Variants in CDKAL1 observed in about 807,000 individuals in gnomAD.
CDKAL1 encodes the protein CDKAL1 threonylcarbamoyladenosine tRNA methylthiotransferase.
In CDKAL1, 32 loss-of-function variants were observed where a neutral mutation model predicts 68.2. That is an observed-to-expected ratio of 0.47 (90% CI 0.35 to 0.63). The LOEUF is 0.63. CDKAL1 is among the 30% of genes least tolerant of loss of function. The pLI is 0.00. For synonymous variants in CDKAL1, 234 were observed against 244.3 expected, an observed-to-expected ratio of 0.96 and a Z score of 0.39; for missense variants, 606 against 696.7, an observed-to-expected ratio of 0.87 and a Z score of 1.47.
chr6:21,060,546 T>C (rs1771087791), intron 11 of CDKAL1, among the ~76,000 whole-genome samples: 1 of 152,246 alleles, frequency 6.6e-6, no homozygotes, highest in African/African-American at 2.4e-5. Context: ...ATTTTACCTT[T>C]ATTATTTTCT....
At chr6:20,933,470 T>A (rs963828952) in intron 9 of CDKAL1, among the ~76,000 whole-genome samples, 6 of 152,262 alleles carry the variant, frequency 3.9e-5, no homozygotes, top group African/African-American at 1.2e-4. Context: ...CCTCTGCAAC[T>A]GCAACTTTAG....
chr6:20,781,042 C>T (rs1289116230), intron 7 of CDKAL1, 103 bp from the exon 8 acceptor site: 1 of 1,142,744 alleles, frequency 8.8e-7, no homozygotes, highest in African/African-American at 1.5e-5. Context: ...TGTTGTTTCC[C>T]CTGCTCCCGA....
At chr6:20,941,605 C>G (rs1763976039) in intron 9 of CDKAL1, among the ~76,000 whole-genome samples, 1 of 151,972 alleles carries the variant, frequency 6.6e-6, no homozygotes, top group Non-Finnish European at 1.5e-5. Context: ...ATTGTGTTAC[C>G]CATAGTGCCA....
chr6:20,699,707 C>T (rs569588417), intron 5 of CDKAL1, among the ~76,000 whole-genome samples: 48 of 152,230 alleles, frequency 3.2e-4, no homozygotes, highest in African/African-American at 1.1e-3. Flanking sequence ...CTCGTCAAGC[C>T]GGAGCTCTCA....
At chr6:20,776,778 ATT>A (rs1452106055) in intron 7 of CDKAL1, among the ~76,000 whole-genome samples, 10 of 152,204 alleles carry the variant, frequency 6.6e-5, no homozygotes, top group Non-Finnish European at 1.3e-4. Context: ...AAAAGTGTTT[ATT>A]CATGAAAAAA....
chr6:21,116,501 G>T lies in CDKAL1; in HGVS notation c.1299+8038G>T, dbSNP rs376935777. Among the ~76,000 whole-genome samples the T allele has an allele frequency of 3.7e-4, 57 of 152,256 alleles. No homozygotes were observed. The East Asian group carries it at 6.9e-3, about 19-fold the overall frequency. On this transcript the variant is annotated intron_variant, in intron 13 of 15. Coordinates refer to ENST00000274695, the MANE Select transcript of CDKAL1 (RefSeq NM_017774.3). Reference sequence around the variant, plus strand: ...GCTAGTAAATTACAGAGCAGTATACGTGGAGATGGGAAAATGGCAGCAGGG... The same window carrying T: ...GCTAGTAAATTACAGAGCAGTATACTTGGAGATGGGAAAATGGCAGCAGGG...
At chr6:20,843,599 T>A (rs1006532205) in intron 8 of CDKAL1, among the ~76,000 whole-genome samples, 8 of 152,316 alleles carry the variant, frequency 5.3e-5, no homozygotes, top group East Asian at 1.9e-4. Context: ...CATAATATTT[T>A]AAAAATAATT....
chr6:20,952,051 C>T (rs1581901273), intron 9 of CDKAL1, among the ~76,000 whole-genome samples: 1 of 150,770 alleles, frequency 6.6e-6, no homozygotes, highest in East Asian at 2.0e-4. Flanking sequence ...CTCCGCCTCC[C>T]AGGTTCACAC....
chr6:21,007,779 G>A (rs567568374), intron 11 of CDKAL1, among the ~76,000 whole-genome samples: 1 of 152,178 alleles, frequency 6.6e-6, no homozygotes, highest in East Asian at 1.9e-4. Context: ...AATCCTCAAG[G>A]CCCAAAGATG....
chr6:20,983,208 A>G (rs865919773), intron 10 of CDKAL1, among the ~76,000 whole-genome samples: 24 of 152,214 alleles, frequency 1.6e-4, no homozygotes, highest in African/African-American at 5.3e-4. Context: ...CTTAAAATCC[A>G]TATTGATCAG....
intron 10 of CDKAL1, among the ~76,000 whole-genome samples, chr6:20,976,391 C>T (rs1213944643): frequency 1.3e-5 from 2 of 152,138 alleles, no homozygotes; most frequent in Admixed American, 6.5e-5. Context: ...AATTCTGTGA[C>T]TGAAATTAGA....
intron 8 of CDKAL1, among the ~76,000 whole-genome samples, chr6:20,827,886 CACTT>C (rs1239585354): frequency 6.6e-6 from 1 of 151,868 alleles, no homozygotes; most frequent in Non-Finnish European, 1.5e-5. Flanking sequence ...CTTGAACATT[CACTT>C]AGAGTATCAA....
At chr6:20,997,932 C>A (rs1210410689) in intron 10 of CDKAL1, among the ~76,000 whole-genome samples, 1 of 152,122 alleles carries the variant, frequency 6.6e-6, no homozygotes, top group African/African-American at 2.4e-5. Context: ...GGAGTGCTTA[C>A]TCTATTAGCA....
chr6:20,628,815 A>G (rs1415928643), intron 4 of CDKAL1, among the ~76,000 whole-genome samples: 1 of 152,222 alleles, frequency 6.6e-6, no homozygotes, highest in Non-Finnish European at 1.5e-5. Flanking sequence ...ACCAAAAAGA[A>G]GAAAAAATTA....
At chr6:21,125,077 G>C (rs1229292932) in intron 13 of CDKAL1, among the ~76,000 whole-genome samples, 2 of 152,004 alleles carry the variant, frequency 1.3e-5, no homozygotes, top group Admixed American at 6.6e-5. Context: ...ATATGATATT[G>C]TTTGGCTGTG....
chr6:20,721,933 A>G (rs758650601), intron 5 of CDKAL1, among the ~76,000 whole-genome samples: 1 of 151,756 alleles, frequency 6.6e-6, no homozygotes, highest in East Asian at 1.9e-4. Flanking sequence ...GGATTTCACT[A>G]TTTTGGCCAG....
intron 9 of CDKAL1, among the ~76,000 whole-genome samples, chr6:20,851,823 G>C (rs551955895): frequency 1.3e-5 from 2 of 151,544 alleles, no homozygotes; most frequent in Non-Finnish European, 2.9e-5. Context: ...AACTTTTTTA[G>C]ATAGGAAACA....
At chr6:21,186,601 A>T (rs559506632) in intron 13 of CDKAL1, among the ~76,000 whole-genome samples, 1 of 152,324 alleles carries the variant, frequency 6.6e-6, no homozygotes, top group Non-Finnish European at 1.5e-5. Flanking sequence ...TGCTGTGGTC[A>T]ACCAGAAAAA....
chr6:20,606,425 C>T lies in CDKAL1; in HGVS notation c.287-42868C>T, dbSNP rs3938395. Among the ~76,000 whole-genome samples the T allele has an allele frequency of 9.9e-3, 1,503 of 152,118 alleles. 26 individuals carry two copies. Among genetic ancestry groups the T allele is most frequent in the African/African-American group, 0.035 (1,432 of 41,482 alleles). On this transcript the variant is annotated intron_variant, in intron 4 of 15. Transcript: ENST00000274695. The stretch of plus-strand genomic sequence containing the variant: ...AGAGAAGAGAACAGTTAAGGTCGGC[C>T]GGATTGCTTCTGCAGGTTTGTGTCC...
Sources: allele counts gnomAD v4.1 joint callset (sites outside exome capture counted in the v4.1 genomes callset), GRCh38; gene constraint gnomAD v4.1.1; transcripts MANE v1.5; gene names NCBI Gene and HGNC (gene_info 2026-07-23, HGNC 2026-07-21).